PLGRKT: variants seen among roughly 807,000 people sequenced by gnomAD.
PLGRKT encodes plasminogen receptor with a C-terminal lysine, also known as plasminogen receptor (KT).
A neutral mutation model predicts 18.5 loss-of-function variants in PLGRKT; 22 were observed. The observed-to-expected ratio is 1.19, with a 90% CI of 0.85 to 1.70. PLGRKT has a LOEUF of 1.70. PLGRKT is among the 40% of genes most tolerant of loss of function. The pLI is 0.00. For missense variants in PLGRKT, 235 were observed against 174.4 expected, an observed-to-expected ratio of 1.35 and a Z score of -1.96; for synonymous variants, 72 against 52.8, an observed-to-expected ratio of 1.36 and a Z score of -1.58.
intron 3 of PLGRKT, among the ~76,000 whole-genome samples, chr9:5,409,796 T>A (rs1818328102): frequency 6.6e-6 from 1 of 152,238 alleles, no homozygotes. Context: ...GCATGGGGCC[T>A]GTAGCCCCTT....
At chr9:5,360,533 T>G (rs1018158918) in intron 5 of PLGRKT, among the ~76,000 whole-genome samples, 2 of 152,150 alleles carry the variant, frequency 1.3e-5, no homozygotes, top group Non-Finnish European at 1.5e-5. Flanking sequence ...ATCAACAAAA[T>G]AAGAAGTCAA....
In PLGRKT at chr9:5,361,774, T is replaced by A; in HGVS notation, c.196A>T (p.Ile66Phe). 1 of 1,611,154 alleles carries A rather than the reference T, an allele frequency of 6.2e-7. No individual in the cohort carries two copies. Among genetic ancestry groups the A allele is most frequent in the Middle Eastern group, 1.7e-4 (1 of 6,048 alleles). ...YFGTFFGLAA[I>F]SLTAGAIKKK... ...CAAACATACCCAGCTGTTAAAGAGATGGCTGCAAGGCCAAAAAAAGTTCCA... is the reference window on the plus strand; with the variant it reads ...CAAACATACCCAGCTGTTAAAGAGAAGGCTGCAAGGCCAAAAAAAGTTCCA... Residue 66 changes from isoleucine to phenylalanine, a missense_variant, in exon 4 of 6, where the codon ATC becomes TTC. By Grantham distance (21) the Ile-to-Phe change is conservative. Coordinates refer to ENST00000223864, the MANE Select transcript of PLGRKT (RefSeq NM_018465.4).
intron 3 of PLGRKT, among the ~76,000 whole-genome samples, chr9:5,385,151 T>C (rs1032478311): frequency 2.0e-5 from 3 of 152,180 alleles, no homozygotes; most frequent in African/African-American, 7.2e-5. Context: ...TGAAACAGTG[T>C]GATTAATATT....
intron 3 of PLGRKT, among the ~76,000 whole-genome samples, chr9:5,370,794 T>C (rs949037028): frequency 1.3e-5 from 2 of 152,210 alleles, no homozygotes; most frequent in African/African-American, 2.4e-5. Flanking sequence ...TAAACTAACA[T>C]TGTTAAAACA....
chr9:5,434,269 TG>T (rs796750902), intron 2 of PLGRKT, among the ~76,000 whole-genome samples: 1 of 129,482 alleles, frequency 7.7e-6, no homozygotes, highest in South Asian at 2.5e-4. Flanking sequence ...GCCCTTCGTC[TG>T]GGAGGTGGGG....
intron 3 of PLGRKT, among the ~76,000 whole-genome samples, chr9:5,409,499 C>G (rs1444443150): frequency 6.6e-6 from 1 of 152,166 alleles, no homozygotes; most frequent in African/African-American, 2.4e-5. Flanking sequence ...ATTGTGGGAT[C>G]TTGTGATCGT....
chr9:5,382,666 G>A (rs534148114), intron 3 of PLGRKT, among the ~76,000 whole-genome samples: 80 of 152,346 alleles, frequency 5.3e-4, no homozygotes, highest in African/African-American at 1.7e-3. Flanking sequence ...CACTGAAACA[G>A]AACAGTGACA....
chr9:5,433,568 G>A (rs71512967), intron 2 of PLGRKT, among the ~76,000 whole-genome samples: 58 of 124,060 alleles, frequency 4.7e-4, no homozygotes, highest in South Asian at 1.1e-3. Context: ...GCCTCTGCCC[G>A]GCTGCCCCGT....
intron 3 of PLGRKT, among the ~76,000 whole-genome samples, chr9:5,403,810 C>A (rs1363404420): frequency 6.6e-6 from 1 of 152,208 alleles, no homozygotes; most frequent in Non-Finnish European, 1.5e-5. Context: ...ATGCACTTTT[C>A]TTCACATAAG....
At chr9:5,372,970 C>A (rs1273777626) in intron 3 of PLGRKT, among the ~76,000 whole-genome samples, 1 of 152,176 alleles carries the variant, frequency 6.6e-6, no homozygotes, top group Non-Finnish European at 1.5e-5. Flanking sequence ...GGAATTCAAA[C>A]CCAGGCCTGC....
chr9:5,374,599 G>C (rs931841837), intron 3 of PLGRKT, among the ~76,000 whole-genome samples: 1 of 152,146 alleles, frequency 6.6e-6, no homozygotes, highest in African/African-American at 2.4e-5. Context: ...TCAAATTCTA[G>C]TTCTATTATG....
At chr9:5,386,925 T>C (rs575686391) in intron 3 of PLGRKT, among the ~76,000 whole-genome samples, 1 of 151,990 alleles carries the variant, frequency 6.6e-6, no homozygotes, top group African/African-American at 2.4e-5. Flanking sequence ...CTGGGGTGTT[T>C]AAGAAACAGC....
intron 3 of PLGRKT, among the ~76,000 whole-genome samples, chr9:5,409,730 C>T (rs908008693): frequency 6.6e-6 from 1 of 152,154 alleles, no homozygotes; most frequent in Non-Finnish European, 1.5e-5. Flanking sequence ...ACATGAAGTC[C>T]AAGAAGATCA....
intron 3 of PLGRKT, among the ~76,000 whole-genome samples, chr9:5,411,602 A>G (rs2131145000): frequency 6.6e-6 from 1 of 152,276 alleles, no homozygotes. Context: ...TGAACCTGCA[A>G]GTGCACACAA....
At chr9:5,412,923 A>G (rs1319239736) in intron 3 of PLGRKT, among the ~76,000 whole-genome samples, 2 of 151,898 alleles carry the variant, frequency 1.3e-5, no homozygotes, top group Admixed American at 1.3e-4. Context: ...TAGACAAGAG[A>G]CCAATAAACA....
chr9:5,419,879 C>T (rs1818541365), intron 3 of PLGRKT, among the ~76,000 whole-genome samples: 1 of 151,926 alleles, frequency 6.6e-6, no homozygotes, highest in Admixed American at 6.6e-5. Context: ...AGGTATATAC[C>T]CAAAAGAATG....
chr9:5,360,753 T>G (rs998866288), intron 5 of PLGRKT, among the ~76,000 whole-genome samples: 3 of 152,252 alleles, frequency 2.0e-5, no homozygotes, highest in Admixed American at 1.3e-4. Flanking sequence ...TGAGTTCTGT[T>G]TATTACCTTT....
Position 5,358,310 on chromosome 9 carries a change from T to C in PLGRKT, c.373A>G (p.Arg125Gly). 1 of 1,609,688 alleles carries C rather than the reference T, an allele frequency of 6.2e-7. No individual in the cohort carries two copies. Among genetic ancestry groups the C allele is most frequent in the Admixed American group, 1.7e-5 (1 of 59,986 alleles). Residue 125 changes from arginine (R) to glycine (G), a missense_variant, in exon 6 of 6, where the codon AGA becomes GGA. Physicochemically the swap from Arg to Gly is moderately radical, Grantham distance 125. Coordinates refer to ENST00000223864, the MANE Select transcript of PLGRKT (RefSeq NM_018465.4). ...ATGCTTTCAAAAGTGATCATTCCTC[T>C]TGGCAGCTGCAATTTACTCTTTTCT... ...ETEKSKLQLPRGMITFESIEK... is the reference protein window; with the variant it reads ...ETEKSKLQLPGGMITFESIEK...
chr9:5,425,351 T>A (rs1485964123), intron 3 of PLGRKT, among the ~76,000 whole-genome samples: 1 of 152,158 alleles, frequency 6.6e-6, no homozygotes, highest in Non-Finnish European at 1.5e-5. Flanking sequence ...AAAATATCAT[T>A]ATAACTAGTA....
Sources: allele counts gnomAD v4.1 joint callset (sites outside exome capture counted in the v4.1 genomes callset), GRCh38; gene constraint gnomAD v4.1.1; transcripts MANE v1.5; gene names NCBI Gene and HGNC (gene_info 2026-07-23, HGNC 2026-07-21).